Variants in EDA2R observed in about 807,000 individuals in gnomAD.
EDA2R encodes the protein tumor necrosis factor receptor superfamily member 27.
EDA2R carries 26 observed loss-of-function variants against 20.1 expected under a neutral mutation model. The observed-to-expected ratio is 1.30, with a 90% CI of 0.95 to 1.80. The LOEUF is 1.80. EDA2R is among the 40% of genes most tolerant of loss of function. The pLI, the probability that EDA2R is intolerant of heterozygous loss-of-function variation, is 0.00. For synonymous variants in EDA2R, 114 were observed against 88.7 expected, an observed-to-expected ratio of 1.29 and a Z score of -1.60; for missense variants, 277 against 228.7, an observed-to-expected ratio of 1.21 and a Z score of -1.36.
At chrX:66,598,144 A>G (rs1438228794) in intron 6 of EDA2R, 51 bp from the exon 7 acceptor site, 1 of 574,893 alleles carries the variant, frequency 1.7e-6, no homozygotes, top group Non-Finnish European at 2.4e-6. Flanking sequence ...TCTCACTAGC[A>G]CCCTTCTTTC....
chrX:66,629,489 G>A (rs752713785), intron 1 of EDA2R, among the ~76,000 whole-genome samples: 2 of 111,748 alleles, frequency 1.8e-5, no homozygotes, highest in South Asian at 7.5e-4. Flanking sequence ...ATAACTCAAC[G>A]AAGTTTCCAG....
chrX:66,616,118 T>A, intron 1 of EDA2R, 88 bp from the exon 2 acceptor site: 1 of 583,712 alleles, frequency 1.7e-6, no homozygotes, highest in South Asian at 2.7e-5. Context: ...TGGGTCCCCT[T>A]AATCTATTCT....
At chrX:66,624,512 CTG>C (rs1892683250) in intron 1 of EDA2R, among the ~76,000 whole-genome samples, 1 of 111,784 alleles carries the variant, frequency 8.9e-6, no homozygotes, top group African/African-American at 3.3e-5. Flanking sequence ...GAGCAAGACT[CTG>C]TCTCAAATAA....
chrX:66,626,443 A>G (rs1158031290), intron 1 of EDA2R, among the ~76,000 whole-genome samples: 1 of 112,093 alleles, frequency 8.9e-6, no homozygotes, highest in Admixed American at 9.5e-5. Context: ...AGGTCTTCAA[A>G]TTAACCCAAT....
chrX:66,604,927 T>G, intron 3 of EDA2R, 121 bp downstream of exon 3: 1 of 676,928 alleles, frequency 1.5e-6, no homozygotes, highest in South Asian at 3.1e-5. Flanking sequence ...TTCTGGGAGC[T>G]TAAACTGAAT....
At chrX:66,614,892 A>G (rs760492832) in intron 2 of EDA2R, among the ~76,000 whole-genome samples, 6 of 110,517 alleles carry the variant, frequency 5.4e-5, no homozygotes, top group African/African-American at 2.0e-4. Context: ...TTTGTGTACT[A>G]CCCTCCCTCT....
At chrX:66,620,362 AG>A in intron 1 of EDA2R, among the ~76,000 whole-genome samples, 1 of 111,711 alleles carries the variant, frequency 9.0e-6, no homozygotes, top group Middle Eastern at 4.6e-3. Flanking sequence ...ATCTTTTCAA[AG>A]AAGGGTGTTG....
Position 66,597,809 on chromosome X carries a change from T to C in EDA2R, c.*295A>G. 6.7e-6 allele frequency: 1 copy of C among 150,354 alleles called. No individual in the cohort carries two copies. Among genetic ancestry groups the C allele is most frequent in the Non-Finnish European group, 1.3e-5 (1 of 77,523 alleles). The allele number at this position is 150,354 out of a possible 1,213,427, so 12.4% of individuals were successfully genotyped here. A position where few individuals can be genotyped will look rare whatever the true frequency, so the allele number is the denominator to read the frequency against. ...GACATGAAAACCCTACCCCATTCAC[T>C]GTCCTCTCTCCTCTTCTCTATAATC... On this transcript the variant is annotated 3_prime_UTR_variant, in exon 7 of 7. Transcript: ENST00000374719.
chrX:66,596,478 G>A lies in EDA2R; in HGVS notation c.*1626C>T, dbSNP rs1417041153. 15 of 111,417 alleles carry A rather than the reference G, an allele frequency of 1.3e-4. No homozygotes were observed. Among genetic ancestry groups the A allele is most frequent in the Admixed American group, 1.2e-3 (13 of 10,483 alleles). 9.2% of individuals were successfully genotyped at this position (111,417 alleles called of 1,213,427 possible). A position where few individuals can be genotyped will look rare whatever the true frequency, so the allele number is the denominator to read the frequency against. ...TGTCCACATAGCATTCATGCCATGA[G>A]CAAGCACACTGAAGAAGTCTTACTC... On this transcript the variant is annotated 3_prime_UTR_variant, in exon 7 of 7. Coordinates refer to ENST00000374719, the MANE Select transcript of EDA2R (RefSeq NM_021783.5).
chrX:66,607,435 G>A (rs997356792), intron 2 of EDA2R, among the ~76,000 whole-genome samples: 2 of 110,893 alleles, frequency 1.8e-5, no homozygotes, highest in African/African-American at 3.3e-5. Context: ...TAGGCAACAC[G>A]GCAAAGCCTT....
At chrX:66,614,828 C>T (rs989665158) in intron 2 of EDA2R, among the ~76,000 whole-genome samples, 1 of 111,946 alleles carries the variant, frequency 8.9e-6, no homozygotes, top group Non-Finnish European at 1.9e-5. Flanking sequence ...ATGAAAATTT[C>T]TCATAGACCT....
At chrX:66,623,017 C>G (rs779673613) in intron 1 of EDA2R, among the ~76,000 whole-genome samples, 103 of 112,096 alleles carry the variant, frequency 9.2e-4, no homozygotes, top group African/African-American at 3.3e-3. Context: ...TTTGGCTAAT[C>G]TCTTAGACCA....
chrX:66,638,783 A>T (rs1039029989), intron 1 of EDA2R, among the ~76,000 whole-genome samples: 5 of 111,055 alleles, frequency 4.5e-5, no homozygotes, highest in Non-Finnish European at 7.6e-5. Flanking sequence ...GCTCGCCAAG[A>T]TCCTAGAGAT....
At chrX:66,630,739 T>C (rs1037922910) in intron 1 of EDA2R, among the ~76,000 whole-genome samples, 2 of 108,963 alleles carry the variant, frequency 1.8e-5, no homozygotes, top group Non-Finnish European at 1.9e-5. Flanking sequence ...TCTACACTGC[T>C]GGTGGAAATG....
chrX:66,624,872 C>A (rs1391959808), intron 1 of EDA2R, among the ~76,000 whole-genome samples: 1 of 112,347 alleles, frequency 8.9e-6, no homozygotes, highest in Non-Finnish European at 1.9e-5. Context: ...TTCCTTAACA[C>A]ACACCCACAC....
In EDA2R at chrX:66,631,583, C is replaced by A. The variant is rs764190007; in HGVS notation, c.-11+7412G>T. 3.6e-5 allele frequency among the ~76,000 whole-genome samples: 4 copies of A among 111,514 alleles called. No individual in the cohort carries two copies. In the South Asian group the frequency reaches 1.2e-3, roughly 32 times the overall value. On this transcript the variant is annotated intron_variant, in intron 1 of 6. Coordinates refer to ENST00000374719, the MANE Select transcript of EDA2R (RefSeq NM_021783.5). The stretch of plus-strand genomic sequence containing the variant: ...TGATATTTCAGGATGGGCAAAAAAG[C>A]ATTTTATTAATGTTAACCTGAGTGC...
rs1928171564 is a variant in EDA2R, at chrX:66,599,693, G to A, written c.685C>T (p.Pro229Ser). The A allele has an allele frequency of 8.3e-7, 1 of 1,207,557 alleles. No homozygotes were observed. The highest frequency in any genetic ancestry group is 3.0e-5 in the East Asian group (1 of 33,586). The stretch of plus-strand genomic sequence containing the variant: ...GCCATGGTAAAGGACTCCTGTGTGG[G>A]GAAGCCACTAGTCGAGCTGCAGTCG... The part of the protein sequence containing the change: ...EDDCSSTSGF[P>S]TQESFTMASC... The change falls in exon 6 of 7, where the codon CCC (proline) becomes TCC (serine). Residue 229 changes from proline (P) to serine (S), a missense_variant. Transcript: ENST00000374719.
At chrX:66,613,705 G>C (rs1569238531) in intron 2 of EDA2R, among the ~76,000 whole-genome samples, 1 of 111,411 alleles carries the variant, frequency 9.0e-6, no homozygotes, top group Non-Finnish European at 1.9e-5. Context: ...ATTCAGAAGT[G>C]TTATCTGCTG....
chrX:66,629,893 T>G (rs748256198), intron 1 of EDA2R, among the ~76,000 whole-genome samples: 3 of 110,779 alleles, frequency 2.7e-5, no homozygotes, highest in Non-Finnish European at 5.7e-5. Context: ...AACAAGACTA[T>G]GCAAAAAGAA....
Sources: allele counts gnomAD v4.1 joint callset (sites outside exome capture counted in the v4.1 genomes callset), GRCh38; gene constraint gnomAD v4.1.1; transcripts MANE v1.5; gene names NCBI Gene and HGNC (gene_info 2026-07-23, HGNC 2026-07-21).